Variants in NRXN3 observed in about 807,000 individuals in gnomAD.
The protein encoded by NRXN3 is neurexin 3, also known as neurexin III.
NRXN3 carries 32 observed loss-of-function variants against 137.6 expected under a neutral mutation model. That is an observed-to-expected ratio of 0.23 (90% CI 0.18 to 0.31). The LOEUF (loss-of-function observed/expected upper bound fraction) is 0.31, where lower values mean the gene tolerates loss of function less well. Ranked by LOEUF, NRXN3 falls within the 10% of genes least tolerant of loss-of-function variation. The pLI is 1.00. For synonymous variants in NRXN3, 798 were observed against 784.5 expected (o/e 1.02, Z -0.29); for missense variants, 1,574 against 2,062.5 (o/e 0.76, Z 4.59).
chr14:78,733,344 T>C (rs2098525911), intron 8 of NRXN3, among the ~76,000 whole-genome samples: 1 of 152,138 alleles, frequency 6.6e-6, no homozygotes, highest in Admixed American at 6.6e-5. Flanking sequence ...TTCTCACCCA[T>C]ATATTCTCCC....
chr14:79,394,345 A>G (rs924939179), intron 15 of NRXN3, among the ~76,000 whole-genome samples: 4 of 152,214 alleles, frequency 2.6e-5, no homozygotes, highest in Non-Finnish European at 2.9e-5. Context: ...TGCATGGAGT[A>G]TCTCAGTTCT....
At chr14:79,213,442 A>G (rs1242906897) in intron 15 of NRXN3, among the ~76,000 whole-genome samples, 1 of 152,220 alleles carries the variant, frequency 6.6e-6, no homozygotes, top group Non-Finnish European at 1.5e-5. Flanking sequence ...CAGTAAAAAG[A>G]CAATGTGATC....
rs1328598242 is a variant in NRXN3 at position 79,805,137 on chromosome 14, C to T, written c.4040C>T (p.Ser1347Phe). ...IQPTSDDLVS[S>F]AECSSDDEDF... ...CCAACATCAGATGATCTTGTTTCAT[C>T]TGCTGAATGTTCAAGTGATGATGAA... Residue 1347 changes from serine to phenylalanine, a missense_variant, in exon 20 of 21, where the codon TCT becomes TTT. Around this residue, in one of 5 missense-constraint regions of NRXN3, gnomAD observed 320 missense variants for 387.1 expected, o/e 0.83. Coordinates refer to ENST00000335750, the MANE Select transcript of NRXN3 (RefSeq NM_001330195.2). The T allele has an allele frequency of 6.2e-7, 1 of 1,613,072 alleles. No homozygotes were observed. Among genetic ancestry groups the T allele is most frequent in the African/African-American group, 1.3e-5 (1 of 74,840 alleles).
chr14:78,227,732 G>A (rs1487756227), intron 1 of NRXN3, among the ~76,000 whole-genome samples: 3 of 152,220 alleles, frequency 2.0e-5, no homozygotes, highest in African/African-American at 7.2e-5. Flanking sequence ...AACTTACTAT[G>A]TTAAGTGCTC....
chr14:79,273,350 A>G (rs2079705583), intron 15 of NRXN3, among the ~76,000 whole-genome samples: 1 of 150,968 alleles, frequency 6.6e-6, no homozygotes, highest in Non-Finnish European at 1.5e-5. Context: ...TAATAATAAA[A>G]TGGGCCGGGC....
chr14:78,416,836 G>T (rs978121260), intron 4 of NRXN3, among the ~76,000 whole-genome samples: 1 of 152,176 alleles, frequency 6.6e-6, no homozygotes, highest in African/African-American at 2.4e-5. Flanking sequence ...GACACCTGTG[G>T]TCTTGTGAAA....
chr14:78,834,346 C>T (rs1567456484), intron 10 of NRXN3, among the ~76,000 whole-genome samples: 2 of 152,140 alleles, frequency 1.3e-5, no homozygotes, highest in East Asian at 3.9e-4. Flanking sequence ...ACTCACTTGG[C>T]ACCTGGGTCC....
chr14:78,456,433 C>T (rs892834464), intron 4 of NRXN3, among the ~76,000 whole-genome samples: 1 of 152,202 alleles, frequency 6.6e-6, no homozygotes. Context: ...GGGTTTTCTG[C>T]TTTAATGACA....
At chr14:78,490,352 TCCTTACCTTACTTACTTCACAGGTTGG>T (rs1176565966) in intron 4 of NRXN3, among the ~76,000 whole-genome samples, 2 of 152,186 alleles carry the variant, frequency 1.3e-5, no homozygotes, top group African/African-American at 4.8e-5. Flanking sequence ...GTGGGCATAC[TCCTTACCTTACTTACTTCACAGGTTGG>T]CTTTGAAAAC....
chr14:79,013,590 A>C (rs2099574624), intron 15 of NRXN3, among the ~76,000 whole-genome samples: 1 of 152,178 alleles, frequency 6.6e-6, no homozygotes, highest in Non-Finnish European at 1.5e-5. Context: ...TGATTATGAA[A>C]TGCTAAGTCA....
chr14:78,322,489 G>A (rs1380824809), intron 4 of NRXN3, among the ~76,000 whole-genome samples: 1 of 151,954 alleles, frequency 6.6e-6, no homozygotes, highest in Non-Finnish European at 1.5e-5. Flanking sequence ...GATTGTCTCT[G>A]TCATGTTGCT....
chr14:78,466,730 G>A (rs936103346), intron 4 of NRXN3, among the ~76,000 whole-genome samples: 3 of 152,184 alleles, frequency 2.0e-5, no homozygotes, highest in Admixed American at 2.0e-4. Context: ...AGCTCTGCCA[G>A]TTCCTTAGGA....
Position 79,663,870 on chromosome 14 carries a change from T to C in NRXN3, c.3537T>C (p.His1179=). The C allele has an allele frequency of 3.7e-6, 6 of 1,613,586 alleles. No individual in the cohort carries two copies. The highest frequency in any genetic ancestry group is 1.1e-5 in the South Asian group (1 of 91,084). The part of the protein sequence containing the change: ...ERTPVNDGKY[H]VVRFTRNGGN... ...CCCCTGTAAATGACGGCAAATACCATGTGGTACGCTTCACCAGGAACGGCG... is the reference window on the plus strand; with the variant it reads ...CCCCTGTAAATGACGGCAAATACCACGTGGTACGCTTCACCAGGAACGGCG... Residue 1179 remains histidine (H), a synonymous_variant, in exon 17 of 21, where the codon CAT becomes CAC. Transcript: ENST00000335750.
intron 1 of NRXN3, among the ~76,000 whole-genome samples, chr14:78,240,432 C>T (rs1044032596): frequency 1.3e-5 from 2 of 152,076 alleles, no homozygotes; most frequent in African/African-American, 4.8e-5. Context: ...GGGATCAAGG[C>T]CCTTTGTTTT....
At chr14:78,410,870 G>T (rs2092785271) in intron 4 of NRXN3, among the ~76,000 whole-genome samples, 1 of 152,178 alleles carries the variant, frequency 6.6e-6, no homozygotes, top group Non-Finnish European at 1.5e-5. Flanking sequence ...TATTAGACAG[G>T]GAGTCAGGGC....
chr14:79,124,363 A>G (rs1452391831), intron 15 of NRXN3, among the ~76,000 whole-genome samples: 2 of 152,188 alleles, frequency 1.3e-5, no homozygotes, highest in Non-Finnish European at 2.9e-5. Flanking sequence ...TTGCCCTGCT[A>G]AGAGCAGGTC....
chr14:79,854,468 G>A (rs2293844), intron 20 of NRXN3, among the ~76,000 whole-genome samples: 2 of 151,806 alleles, frequency 1.3e-5, no homozygotes, highest in East Asian at 3.9e-4. Context: ...CATTTGTGTC[G>A]ATTTGCTGAA....
At chr14:79,121,298 A>G (rs2055384027) in intron 15 of NRXN3, among the ~76,000 whole-genome samples, 1 of 152,226 alleles carries the variant, frequency 6.6e-6, no homozygotes, top group East Asian at 1.9e-4. Context: ...CTGTGAGATC[A>G]TGATCCCATT....
chr14:78,357,530 A>G (rs898387208), intron 4 of NRXN3, among the ~76,000 whole-genome samples: 1 of 152,140 alleles, frequency 6.6e-6, no homozygotes, highest in Non-Finnish European at 1.5e-5. Flanking sequence ...CTACTGGTGA[A>G]TTTCTGGTTG....
Sources: allele counts gnomAD v4.1 joint callset (sites outside exome capture counted in the v4.1 genomes callset), GRCh38; gene constraint gnomAD v4.1.1; regional missense constraint gnomAD v4.1.1; transcripts MANE v1.5; gene names NCBI Gene and HGNC (gene_info 2026-07-23, HGNC 2026-07-21).